DPP8: variants seen among roughly 807,000 people sequenced by gnomAD.
DPP8 encodes the protein DPP VIII.
Under a neutral mutation model 107.5 loss-of-function variants are expected in DPP8, and 31 were observed. The observed-to-expected ratio is 0.29, with a 90% CI of 0.22 to 0.39. DPP8 has a LOEUF of 0.39. Among genes scored for constraint, DPP8 ranks in the 10% least tolerant of loss-of-function variants. DPP8 has a pLI of 1.00. For synonymous variants in DPP8, 381 were observed against 356.6 expected (o/e 1.07, Z -0.77); for missense variants, 842 against 1,076.1 (o/e 0.78, Z 3.04).
At chr15:65,453,103 C>A (rs1276234016) in intron 17 of DPP8, among the ~76,000 whole-genome samples, 1 of 152,110 alleles carries the variant, frequency 6.6e-6, no homozygotes, top group South Asian at 2.1e-4. Context: ...TATGTAATTT[C>A]TTCTAGTATA....
chr15:65,502,737 A>T (rs562985063), intron 3 of DPP8: 2 of 152,234 alleles, frequency 1.3e-5, no homozygotes, highest in Admixed American at 1.3e-4. Context: ...TTATTTAAAA[A>T]ATAGGCTGAC....
intron 4 of DPP8, among the ~76,000 whole-genome samples, chr15:65,500,396 C>T (rs1237724166): frequency 6.6e-6 from 1 of 150,408 alleles, no homozygotes; most frequent in Non-Finnish European, 1.5e-5. Context: ...CCAGCCTGGG[C>T]AACAACAGTG....
At chr15:65,502,976 G>A (rs1469420630) in intron 3 of DPP8, 1 of 152,158 alleles carries the variant, frequency 6.6e-6, no homozygotes, top group Non-Finnish European at 1.5e-5. Flanking sequence ...GCATGGATTG[G>A]AAGACAGAGT....
At chr15:65,465,004 T>C (rs991603051) in intron 14 of DPP8, among the ~76,000 whole-genome samples, 4 of 152,150 alleles carry the variant, frequency 2.6e-5, no homozygotes, top group Admixed American at 1.3e-4. Flanking sequence ...AAGTCATCAT[T>C]AGCTTTTGGT....
chr15:65,475,254 T>A lies in DPP8; in HGVS notation c.1457-966A>T, dbSNP rs1466342765. On this transcript the variant is annotated intron_variant, in intron 11 of 19. Coordinates refer to ENST00000300141, the MANE Select transcript of DPP8 (RefSeq NM_130434.5). ...AGTAGTTAGTTGAGAGTATGACATTTACAGAGAGAGGCTAGAGAGACCCAA... is the reference window on the plus strand; with the variant it reads ...AGTAGTTAGTTGAGAGTATGACATTAACAGAGAGAGGCTAGAGAGACCCAA... The A allele has an allele frequency of 3.8e-5, 21 of 549,420 alleles. No homozygotes were observed. In the East Asian group the frequency reaches 7.0e-4, roughly 18 times the overall value. The allele number at this position is 549,420 out of a possible 1,614,324, so 34.0% of individuals were successfully genotyped here. A position where few individuals can be genotyped will look rare whatever the true frequency, so the allele number is the denominator to read the frequency against.
At chr15:65,508,001 C>G (rs1465052136) in intron 2 of DPP8, among the ~76,000 whole-genome samples, 1 of 151,424 alleles carries the variant, frequency 6.6e-6, no homozygotes, top group Non-Finnish European at 1.5e-5. Flanking sequence ...ACTTTGGGAG[C>G]CCGAGGCAGG....
Position 65,497,871 on chromosome 15 carries a change from C to A in DPP8, c.708G>T (p.Val236=). The A allele has an allele frequency of 1.9e-6, 3 of 1,539,284 alleles. No individual in the cohort carries two copies. Among genetic ancestry groups the A allele is most frequent in the Non-Finnish European group, 1.8e-6 (2 of 1,134,088 alleles). Residue 236 remains valine (V), a synonymous_variant, in exon 5 of 20, where the codon GTG becomes GTT. Coordinates refer to ENST00000300141, the MANE Select transcript of DPP8 (RefSeq NM_130434.5). The stretch of plus-strand genomic sequence containing the variant: ...TGAAGAACTACGCCTTACCATTGTG[C>A]ACATAAGTGAGTCTCCTTTCTTCTC... ...VTREERRLTY[V]HNELANMEED...
chr15:65,465,952 G>A (rs910114478), intron 14 of DPP8, among the ~76,000 whole-genome samples: 19 of 152,100 alleles, frequency 1.2e-4, no homozygotes, highest in African/African-American at 4.3e-4. Flanking sequence ...TATTAAAATA[G>A]CTATTACAAG....
At chr15:65,461,789 C>G (rs2064948605) in intron 15 of DPP8, among the ~76,000 whole-genome samples, 1 of 151,998 alleles carries the variant, frequency 6.6e-6, no homozygotes. Context: ...TTAGTAGACA[C>G]AGGGTTCCAC....
At chr15:65,448,830 C>T (rs1242746577) in intron 19 of DPP8, among the ~76,000 whole-genome samples, 2 of 106,136 alleles carry the variant, frequency 1.9e-5, no homozygotes, top group Non-Finnish European at 4.0e-5. Context: ...CTAAAGTATA[C>T]ATATATAATA....
chr15:65,443,081 T>TACTG lies in DPP8; in HGVS notation c.*3799_*3802dup, dbSNP rs2063353751. 6.6e-6 allele frequency: 1 copy of TACTG among 152,250 alleles called. No individual in the cohort carries two copies. The highest frequency in any genetic ancestry group is 2.1e-4 in the South Asian group (1 of 4,838). The allele number at this position is 152,250 out of a possible 1,614,324, so 9.4% of individuals were successfully genotyped here. A position where few individuals can be genotyped will look rare whatever the true frequency, so the allele number is the denominator to read the frequency against. ...CAGAATGTCATATACTAATCAGAAG[T>TACTG]ACTGCTTCATTAATAAACATGCTTA... On this transcript the variant is annotated 3_prime_UTR_variant, in exon 20 of 20. Coordinates refer to ENST00000300141, the MANE Select transcript of DPP8 (RefSeq NM_130434.5).
In DPP8 at chr15:65,463,880, C is replaced by T. The variant is rs774406925; in HGVS notation, c.1852G>A (p.Glu618Lys). 24 of 1,593,642 alleles carry T rather than the reference C, an allele frequency of 1.5e-5. No individual in the cohort carries two copies. The highest frequency in any genetic ancestry group is 1.9e-5 in the Non-Finnish European group (22 of 1,172,536). ...GTAGTACTTTCAAAAGAGAAAATTT[C>T]TGGAGGAGTATAGTCAGGAAGAGGA... ...AGPLPDYTPPEIFSFESTTGF... is the reference protein window; with the variant it reads ...AGPLPDYTPPKIFSFESTTGF... Residue 618 changes from glutamate (E) to lysine (K), a missense_variant, in exon 15 of 20, where the codon GAA becomes AAA. Transcript: ENST00000300141.
At chr15:65,481,010 G>A (rs948720812) in intron 9 of DPP8, among the ~76,000 whole-genome samples, 2 of 151,962 alleles carry the variant, frequency 1.3e-5, no homozygotes, top group African/African-American at 2.4e-5. Context: ...CTTTAGCCAG[G>A]GAGGTTGAGG....
At chr15:65,495,988 TTTC>T (rs1165667168) in intron 5 of DPP8, among the ~76,000 whole-genome samples, 2 of 151,914 alleles carry the variant, frequency 1.3e-5, no homozygotes, top group Non-Finnish European at 2.9e-5. Context: ...TTCTTTCTTT[TTTC>T]TTTTTTTTTT....
In DPP8 at chr15:65,507,370, A is replaced by G. The variant is rs1453600802; in HGVS notation, c.260-15T>C. ...ACCAGACATGGCTATAGGAGAAAGCAATCATTTATTATTATTTTTTCGAAT... is the reference window on the plus strand; with the variant it reads ...ACCAGACATGGCTATAGGAGAAAGCGATCATTTATTATTATTTTTTCGAAT... On this transcript the variant is annotated splice_polypyrimidine_tract_variant and intron_variant, in intron 2 of 19. Transcript: ENST00000300141. 6.7e-7 allele frequency: 1 copy of G among 1,493,530 alleles called. No individual in the cohort carries two copies. Among genetic ancestry groups the G allele is most frequent in the Non-Finnish European group, 9.3e-7 (1 of 1,078,282 alleles). The allele number at this position is 1,493,530 out of a possible 1,614,324, so 92.5% of individuals were successfully genotyped here.
intron 2 of DPP8, among the ~76,000 whole-genome samples, chr15:65,510,135 G>A (rs967585157): frequency 3.9e-5 from 6 of 151,922 alleles, no homozygotes; most frequent in African/African-American, 9.7e-5. Flanking sequence ...ACAACATGGC[G>A]AAACCCGTCT....
At position 65,446,945 on chromosome 15, in the gene DPP8, T is replaced by C. The variant is rs753105875; in HGVS notation, c.2588A>G (p.His863Arg). The change falls in exon 20 of 20, where the codon CAT becomes CGT. Residue 863 changes from histidine to arginine, a missense_variant. His to Arg is a conservative substitution (Grantham distance 29, BLOSUM62 0). Transcript: ENST00000300141. ...GTTTTCTTGAAGGTAGTGCAAAAGA[T>C]GCAGTTCATAATGTTCTCCCGATTC... ...VPESGEHYEL[H>R]LLHYLQENLG... 1 of 1,612,992 alleles carries C rather than the reference T, an allele frequency of 6.2e-7. No homozygotes were observed. The highest frequency in any genetic ancestry group is 8.5e-7 in the Non-Finnish European group (1 of 1,179,286).
chr15:65,511,701 C>T (rs1423077595), intron 2 of DPP8, among the ~76,000 whole-genome samples: 2 of 150,494 alleles, frequency 1.3e-5, no homozygotes, highest in Non-Finnish European at 3.0e-5. Context: ...TTTAATATCT[C>T]CATACACACA....
chr15:65,452,230 A>G, intron 17 of DPP8, 128 bp from the exon 18 acceptor site: 2 of 1,040,588 alleles, frequency 1.9e-6, no homozygotes, highest in Non-Finnish European at 1.3e-6. Context: ...TGGCGCATAC[A>G]TGTCTTAGGC....
Sources: allele counts gnomAD v4.1 joint callset (sites outside exome capture counted in the v4.1 genomes callset), GRCh38; gene constraint gnomAD v4.1.1; transcripts MANE v1.5; gene names NCBI Gene and HGNC (gene_info 2026-07-23, HGNC 2026-07-21).